Variants in MANBA observed in about 807,000 individuals in gnomAD.
MANBA encodes the protein beta-mannosidase.
In MANBA, 83 loss-of-function variants were observed where a neutral mutation model predicts 111.1. The observed-to-expected ratio is 0.75, with a 90% CI of 0.63 to 0.90. The LOEUF (loss-of-function observed/expected upper bound fraction) is 0.90, where lower values mean the gene tolerates loss of function less well. Ranked by LOEUF, MANBA falls within the 40% of genes least tolerant of loss-of-function variation. The probability of loss-of-function intolerance (pLI) is 0.00; values close to 1 mark genes in which losing one functional copy is unlikely to be tolerated. For synonymous variants in MANBA, 370 were observed against 378.7 expected, an observed-to-expected ratio of 0.98 and a Z score of 0.27; for missense variants, 1,036 against 1,069.0, an observed-to-expected ratio of 0.97 and a Z score of 0.43.
At chr4:102,709,651 A>G (rs1473599366) in intron 5 of MANBA, among the ~76,000 whole-genome samples, 2 of 152,168 alleles carry the variant, frequency 1.3e-5, no homozygotes, top group Non-Finnish European at 2.9e-5. Context: ...TCCAGAGGTC[A>G]GCATCACGCT....
At chr4:102,693,592 C>T (rs2110247066) in intron 5 of MANBA, among the ~76,000 whole-genome samples, 1 of 152,282 alleles carries the variant, frequency 6.6e-6, no homozygotes, top group African/African-American at 2.4e-5. Context: ...AAATAAACTT[C>T]TGTTATTTAA....
At position 102,636,386 on chromosome 4, in the gene MANBA, A is replaced by G. The variant is rs113034952; in HGVS notation, c.2015-379T>C. Reference sequence around the variant, plus strand: ...CCTGTACAGCATATTGCTGTGCTGAATACTGTAGGTAATTCTAATCATAGA... The same window carrying G: ...CCTGTACAGCATATTGCTGTGCTGAGTACTGTAGGTAATTCTAATCATAGA... On this transcript the variant is annotated intron_variant, in intron 14 of 16. Coordinates refer to ENST00000647097, the MANE Select transcript of MANBA (RefSeq NM_005908.4). 4.7e-3 allele frequency among the ~76,000 whole-genome samples: 723 copies of G among 152,350 alleles called. 7 individuals carry two copies. The highest frequency in any genetic ancestry group is 0.016 in the African/African-American group (682 of 41,578).
At chr4:102,718,325 T>C (rs1157191492) in intron 4 of MANBA, among the ~76,000 whole-genome samples, 1 of 152,138 alleles carries the variant, frequency 6.6e-6, no homozygotes, top group Non-Finnish European at 1.5e-5. Context: ...ATGTAAGGTC[T>C]GGAATTGAAG....
chr4:102,697,023 A>T (rs2110251167), intron 5 of MANBA, among the ~76,000 whole-genome samples: 1 of 152,292 alleles, frequency 6.6e-6, no homozygotes, highest in South Asian at 2.1e-4. Context: ...AAGCAGCAAG[A>T]TCTCCTTACC....
intron 7 of MANBA, among the ~76,000 whole-genome samples, chr4:102,681,822 C>A (rs1731990698): frequency 6.6e-6 from 1 of 152,130 alleles, no homozygotes; most frequent in Non-Finnish European, 1.5e-5. Context: ...GAAGCTGAAT[C>A]TTCATGTATC....
intron 8 of MANBA, among the ~76,000 whole-genome samples, 191 bp from the exon 9 acceptor site, chr4:102,671,589 A>G (rs1019340500): frequency 5.3e-5 from 8 of 152,222 alleles, no homozygotes; most frequent in Admixed American, 6.5e-5. Context: ...ATAAACAGAA[A>G]AAGTATGGGT....
intron 7 of MANBA, among the ~76,000 whole-genome samples, chr4:102,678,005 A>G (rs1241515622): frequency 6.6e-6 from 1 of 152,234 alleles, no homozygotes; most frequent in Non-Finnish European, 1.5e-5. Flanking sequence ...GGTTTTCAAT[A>G]ACTTTTGTAA....
intron 13 of MANBA, among the ~76,000 whole-genome samples, chr4:102,646,365 C>T (rs1418124696): frequency 6.6e-6 from 1 of 152,058 alleles, no homozygotes; most frequent in African/African-American, 2.4e-5. Flanking sequence ...ATAACCATTC[C>T]AGGGCAGCAG....
intron 8 of MANBA, chr4:102,671,988 C>G (rs1731519520): frequency 5.0e-6 from 2 of 399,820 alleles, no homozygotes; most frequent in South Asian, 1.3e-4. Flanking sequence ...GGGCTCAGCA[C>G]AGGCACCACG....
chr4:102,698,935 A>C (rs1443278913), intron 5 of MANBA, among the ~76,000 whole-genome samples: 4 of 152,168 alleles, frequency 2.6e-5, no homozygotes, highest in Non-Finnish European at 5.9e-5. Flanking sequence ...TGAATCTATA[A>C]ATTACCTTGG....
intron 9 of MANBA, among the ~76,000 whole-genome samples, chr4:102,669,979 C>CA (rs1215718197): frequency 3.9e-4 from 57 of 144,676 alleles, no homozygotes; most frequent in Middle Eastern, 3.5e-3. Flanking sequence ...GACTCCGTCT[C>CA]AAAAAAAAAA....
At chr4:102,695,302 C>A (rs1226295257) in intron 5 of MANBA, among the ~76,000 whole-genome samples, 3 of 151,890 alleles carry the variant, frequency 2.0e-5, no homozygotes, top group Non-Finnish European at 2.9e-5. Flanking sequence ...ATTCAATTGT[C>A]TAGGAGAAAA....
Position 102,707,993 on chromosome 4 carries a change from G to C in MANBA, c.673+6445C>G, listed in dbSNP as rs187429479. 7.4e-4 allele frequency among the ~76,000 whole-genome samples: 113 copies of C among 152,102 alleles called. 1 individual carries two copies. Among genetic ancestry groups the C allele is most frequent in the Middle Eastern group, 3.4e-3 (1 of 294 alleles). ...TCTACATATATCTGCACCCAACTTG[G>C]AGAACCCAGATTCATGAAGCAAATA... On this transcript the variant is annotated intron_variant, in intron 5 of 16. Transcript: ENST00000647097.
intron 11 of MANBA, among the ~76,000 whole-genome samples, chr4:102,660,382 C>A (rs966264933): frequency 2.0e-5 from 3 of 152,034 alleles, no homozygotes; most frequent in African/African-American, 7.3e-5. Flanking sequence ...CACCTACACT[C>A]CAGGTAACTT....
chr4:102,728,672 A>ACGTT, intron 1 of MANBA: 1 of 572,916 alleles, frequency 1.7e-6, no homozygotes, highest in South Asian at 1.8e-5. Flanking sequence ...GGTGGGTCTC[A>ACGTT]CGTTCCCTGT....
At chr4:102,657,611 C>T (rs948127023) in intron 12 of MANBA, 71 bp downstream of exon 12, 67 of 1,211,258 alleles carry the variant, frequency 5.5e-5, no homozygotes, top group Admixed American at 3.6e-4. Flanking sequence ...ATTTTCTGAA[C>T]CAGTGATCAG....
At chr4:102,711,676 A>G (rs1722073716) in intron 5 of MANBA, among the ~76,000 whole-genome samples, 1 of 152,230 alleles carries the variant, frequency 6.6e-6, no homozygotes, top group Non-Finnish European at 1.5e-5. Flanking sequence ...CTGCAGCACT[A>G]TTCACAATAG....
intron 11 of MANBA, among the ~76,000 whole-genome samples, chr4:102,660,298 A>G (rs894852314): frequency 4.6e-5 from 7 of 151,928 alleles, no homozygotes; most frequent in African/African-American, 1.7e-4. Flanking sequence ...CGAATTTCCA[A>G]TCCCACACCA....
chr4:102,677,261 G>A (rs72940747), intron 7 of MANBA, among the ~76,000 whole-genome samples: 8,034 of 152,210 alleles, frequency 0.053, 657 homozygotes, highest in African/African-American at 0.18. Flanking sequence ...ACAACTAGCA[G>A]TATTTGTGGC....
Sources: gnomAD v4.1 joint callset for allele counts (sites outside exome capture counted in the v4.1 genomes callset) on GRCh38, gnomAD v4.1.1 for gene constraint, MANE v1.5 for transcripts, NCBI Gene and HGNC (gene_info 2026-07-23, HGNC 2026-07-21) for gene names.